RPTOR: variants seen among roughly 807,000 people sequenced by gnomAD.
The protein encoded by RPTOR is regulatory associated protein of MTOR complex 1.
In RPTOR, 21 loss-of-function variants were observed where a neutral mutation model predicts 169.9. The observed-to-expected ratio is 0.12, with a 90% CI of 0.09 to 0.18. The LOEUF (loss-of-function observed/expected upper bound fraction) is 0.18. Ranked by LOEUF, RPTOR falls within the 10% of genes least tolerant of loss-of-function variation. The probability of loss-of-function intolerance (pLI) is 1.00; values close to 1 mark genes in which losing one functional copy is unlikely to be tolerated. For missense variants in RPTOR, 1,133 were observed against 1,855.9 expected (o/e 0.61, Z 7.16); for synonymous variants, 732 against 753.2 (o/e 0.97, Z 0.46).
intron 1 of RPTOR, among the ~76,000 whole-genome samples, chr17:80,605,191 C>T (rs2065219883): frequency 1.3e-5 from 2 of 152,154 alleles, no homozygotes; most frequent in Admixed American, 1.3e-4. Context: ...TTTGCTAATT[C>T]TCAAAGTTAA....
chr17:80,954,953 C>G (rs1376359831), intron 28 of RPTOR, among the ~76,000 whole-genome samples: 1 of 152,060 alleles, frequency 6.6e-6, no homozygotes, highest in African/African-American at 2.4e-5. Flanking sequence ...AAATCATAGA[C>G]AACGGGAATA....
chr17:80,871,501 T>C (rs2068052080), intron 13 of RPTOR, among the ~76,000 whole-genome samples: 1 of 152,172 alleles, frequency 6.6e-6, no homozygotes, highest in Non-Finnish European at 1.5e-5. Flanking sequence ...CCTGGGTCCC[T>C]GGCTGAGGTG....
At chr17:80,902,393 G>A (rs1192782758) in intron 20 of RPTOR, among the ~76,000 whole-genome samples, 14 of 152,228 alleles carry the variant, frequency 9.2e-5, no homozygotes, top group Non-Finnish European at 1.3e-4. Context: ...CGGCCCCTCT[G>A]CCATCCGTGC....
Position 80,651,375 on chromosome 17 carries a change from GGGGGAC to G in RPTOR, c.348+7568_348+7573del, listed in dbSNP as rs2065638008. Among the ~76,000 whole-genome samples, 1 of 152,180 alleles carries G rather than the reference GGGGGAC, an allele frequency of 6.6e-6. No individual in the cohort carries two copies. Among genetic ancestry groups the G allele is most frequent in the South Asian group, 2.1e-4 (1 of 4,834 alleles). On this transcript the variant is annotated intron_variant, in intron 3 of 33. Transcript: ENST00000306801. The surrounding 1 kb of genome is among the most constrained non-coding windows in gnomAD (Gnocchi z 4.1). The stretch of plus-strand genomic sequence containing the variant: ...GGGAAACGATCAATAACAGATTGGA[GGGGGAC>G]GGCCACTTCAAAGTGTCTGCGGTAC...
intron 7 of RPTOR, among the ~76,000 whole-genome samples, chr17:80,797,662 G>C (rs954135800): frequency 3.3e-5 from 5 of 152,238 alleles, no homozygotes; most frequent in African/African-American, 1.2e-4. Flanking sequence ...ATGTTTAATA[G>C]TGTCTTCCAT....
intron 3 of RPTOR, among the ~76,000 whole-genome samples, chr17:80,692,582 A>C (rs1240357182): frequency 6.6e-6 from 1 of 152,060 alleles, no homozygotes; most frequent in African/African-American, 2.4e-5. Flanking sequence ...TGGCCTCCCA[A>C]AGTGCTAGGA....
intron 10 of RPTOR, among the ~76,000 whole-genome samples, chr17:80,840,502 CG>C (rs2067620655): frequency 7.0e-6 from 1 of 141,946 alleles, no homozygotes; most frequent in African/African-American, 2.6e-5. Flanking sequence ...TCTCACCACA[CG>C]GCAGCTCACA....
chr17:80,567,717 G>A (rs1049435240), intron 1 of RPTOR, among the ~76,000 whole-genome samples: 2 of 151,676 alleles, frequency 1.3e-5, no homozygotes, highest in East Asian at 2.0e-4. Flanking sequence ...GCTTGAACCC[G>A]GGAGGCGGAG....
Position 80,945,755 on chromosome 17 carries a change from C to T in RPTOR, c.3114C>T (p.Ile1038=), listed in dbSNP as rs373527459. 32 of 1,611,432 alleles carry T rather than the reference C, an allele frequency of 2.0e-5. No homozygotes were observed. Among genetic ancestry groups the T allele is most frequent in the African/African-American group, 5.4e-5 (4 of 74,492 alleles). ...VVKFHPFTPC[I]AVADKDSICF... ...AATTCCACCCCTTCACGCCGTGCATCGCCGTAGCCGACAAGGACAGCATCT... is the reference window on the plus strand; with the variant it reads ...AATTCCACCCCTTCACGCCGTGCATTGCCGTAGCCGACAAGGACAGCATCT... The change falls in exon 26 of 34, where the codon ATC becomes ATT. Residue 1038 remains isoleucine (I), a synonymous_variant. Transcript: ENST00000306801.
chr17:80,824,688 G>A (rs8082099), intron 9 of RPTOR, among the ~76,000 whole-genome samples: 19,872 of 152,250 alleles, frequency 0.13, 1,383 homozygotes, highest in South Asian at 0.16. Context: ...TTGAGCACTC[G>A]GAGCGGGGTG....
chr17:80,663,798 C>G (rs1485461857), intron 3 of RPTOR, among the ~76,000 whole-genome samples: 1 of 151,918 alleles, frequency 6.6e-6, no homozygotes, highest in African/African-American at 2.4e-5. Flanking sequence ...GGGCCTTGTG[C>G]CTTCCTCTGC....
At chr17:80,917,129 T>TG (rs1382579226) in intron 21 of RPTOR, among the ~76,000 whole-genome samples, 1 of 151,726 alleles carries the variant, frequency 6.6e-6, no homozygotes. Context: ...TTTTTTTTTT[T>TG]TGAGACTGAG....
chr17:80,627,615 G>A (rs1011346405), intron 2 of RPTOR, among the ~76,000 whole-genome samples: 9 of 152,240 alleles, frequency 5.9e-5, no homozygotes, highest in Non-Finnish European at 1.2e-4. Context: ...TGATTCATCT[G>A]TGTAGCTACG....
chr17:80,911,610 C>T (rs1020177294), intron 21 of RPTOR, among the ~76,000 whole-genome samples: 3 of 152,026 alleles, frequency 2.0e-5, no homozygotes, highest in Non-Finnish European at 4.4e-5. Context: ...CATAGTGAAA[C>T]CCCGTCTCTA....
At position 80,699,757 on chromosome 17, in the gene RPTOR, C is replaced by T. The variant is rs1267539611; in HGVS notation, c.349-8084C>T. On this transcript the variant is annotated intron_variant, in intron 3 of 33. Transcript: ENST00000306801. Reference sequence around the variant, plus strand: ...GATGGGGAGCTAGAGGTGCTGTGCACGGTGCCCTGGTGCAGTGATGGGGAG... The same window carrying T: ...GATGGGGAGCTAGAGGTGCTGTGCATGGTGCCCTGGTGCAGTGATGGGGAG... 9.3e-5 allele frequency among the ~76,000 whole-genome samples: 13 copies of T among 139,442 alleles called. No individual in the cohort carries two copies. In the East Asian group the frequency reaches 1.1e-3, roughly 12 times the overall value. 91.5% of individuals were successfully genotyped at this position (139,442 alleles called of 152,430 possible). A position where few individuals can be genotyped will look rare whatever the true frequency, so the allele number is the denominator to read the frequency against.
chr17:80,919,116 C>T (rs751153868), intron 21 of RPTOR, among the ~76,000 whole-genome samples: 5 of 152,194 alleles, frequency 3.3e-5, no homozygotes, highest in Non-Finnish European at 5.9e-5. Flanking sequence ...TTAAGGCTTC[C>T]TTTGTAACTA....
At chr17:80,582,916 CTTTTTTTTTT>C (rs71163971) in intron 1 of RPTOR, among the ~76,000 whole-genome samples, 1 of 139,328 alleles carries the variant, frequency 7.2e-6, no homozygotes, top group Admixed American at 7.2e-5. Flanking sequence ...CTTTTTTTTT[CTTTTTTTTTT>C]TTTGAGACGG....
At position 80,893,830 on chromosome 17, in the gene RPTOR, G is replaced by A. The variant is rs374232748; in HGVS notation, c.2366G>A (p.Arg789His). The A allele has an allele frequency of 3.1e-5, 47 of 1,533,718 alleles. 1 individual carries two copies. The Middle Eastern group carries it at 2.1e-3, about 69-fold the overall frequency. ...LSFETIDKMR[R>H]ASSYSSLNSL... ...TTCGAGACCATCGACAAGATGCGCC[G>A]CGCCAGCTCCTACTCCTCCCTCAAC... is the stretch of plus-strand genomic sequence containing the variant. Residue 789 changes from arginine (R) to histidine (H), a missense_variant, in exon 20 of 34, where the codon CGC becomes CAC. Transcript: ENST00000306801.
chr17:80,746,082 A>G lies in RPTOR; in HGVS notation c.655-7928A>G, dbSNP rs1156890792. Among the ~76,000 whole-genome samples the G allele has an allele frequency of 1.3e-5, 2 of 151,934 alleles. No individual in the cohort carries two copies. Among genetic ancestry groups the G allele is most frequent in the African/African-American group, 2.4e-5 (1 of 41,386 alleles). On this transcript the variant is annotated intron_variant, in intron 5 of 33. Transcript: ENST00000306801. The surrounding 1 kb of genome is among the most constrained non-coding windows in gnomAD (Gnocchi z 4.5). ...GAGGCTGAGGCGGGAGAATCGCTTG[A>G]ACCCAGGAGGTGGAGGTTGCAGTGA...
Sources: gnomAD v4.1 joint callset for allele counts (sites outside exome capture counted in the v4.1 genomes callset) on GRCh38, gnomAD v4.1.1 for gene constraint, Gnocchi (gnomAD v3.1) non-coding constraint, MANE v1.5 for transcripts, NCBI Gene and HGNC (gene_info 2026-07-23, HGNC 2026-07-21) for gene names.